PDGFC: variants seen among roughly 807,000 people sequenced by gnomAD.
PDGFC encodes the protein platelet derived growth factor C.
In PDGFC, 12 loss-of-function variants were observed where a neutral mutation model predicts 35.5. That is an observed-to-expected ratio of 0.34 (90% CI 0.22 to 0.55). PDGFC has a LOEUF of 0.55. Among genes scored for constraint, PDGFC ranks in the 20% least tolerant of loss-of-function variants. The pLI is 0.91. For missense variants in PDGFC, 322 were observed against 412.4 expected, an observed-to-expected ratio of 0.78 and a Z score of 1.90; for synonymous variants, 159 against 148.8, an observed-to-expected ratio of 1.07 and a Z score of -0.50.
chr4:156,856,001 A>C (rs1729571363), intron 1 of PDGFC, among the ~76,000 whole-genome samples: 1 of 152,274 alleles, frequency 6.6e-6, no homozygotes, highest in East Asian at 1.9e-4. Context: ...TGCAAACTAT[A>C]TAGAATTACT....
intron 1 of PDGFC, among the ~76,000 whole-genome samples, chr4:156,915,427 C>T (rs1463879492): frequency 6.6e-6 from 1 of 152,144 alleles, no homozygotes; most frequent in African/African-American, 2.4e-5. Flanking sequence ...GGGGGAAATG[C>T]AACTAGCATT....
At chr4:156,907,530 A>G (rs993448141) in intron 1 of PDGFC, among the ~76,000 whole-genome samples, 1 of 152,170 alleles carries the variant, frequency 6.6e-6, no homozygotes, top group Admixed American at 6.5e-5. Context: ...CTCAATGTCT[A>G]GAGACATTGA....
At chr4:156,910,792 C>CA (rs1319233950) in intron 1 of PDGFC, among the ~76,000 whole-genome samples, 1 of 152,086 alleles carries the variant, frequency 6.6e-6, no homozygotes, top group Non-Finnish European at 1.5e-5. Context: ...TACCTAACGG[C>CA]AGATGCTCAC....
chr4:156,951,741 A>C (rs545900464), intron 1 of PDGFC, among the ~76,000 whole-genome samples: 5 of 151,416 alleles, frequency 3.3e-5, no homozygotes, highest in South Asian at 4.1e-4. Context: ...GAAAAAAAAA[A>C]AAAAACAAAA....
intron 1 of PDGFC, among the ~76,000 whole-genome samples, chr4:156,860,486 C>T (rs927733738): frequency 3.3e-5 from 5 of 152,076 alleles, no homozygotes; most frequent in Non-Finnish European, 7.4e-5. Context: ...ATAAATCCAT[C>T]TATCCCTCTA....
At chr4:156,785,935 C>T (rs1258509393) in intron 3 of PDGFC, among the ~76,000 whole-genome samples, 1 of 152,060 alleles carries the variant, frequency 6.6e-6, no homozygotes, top group Non-Finnish European at 1.5e-5. Flanking sequence ...TTTACCCTGC[C>T]CCTCTATTCT....
At chr4:156,854,192 A>G (rs923314179) in intron 1 of PDGFC, among the ~76,000 whole-genome samples, 9 of 152,098 alleles carry the variant, frequency 5.9e-5, no homozygotes, top group Admixed American at 2.6e-4. Context: ...CATCAGATTT[A>G]TTAAAACCTA....
In PDGFC at chr4:156,861,890, C is replaced by T. The variant is rs559670301; in HGVS notation, c.119-11474G>A. On this transcript the variant is annotated intron_variant, in intron 1 of 5. Coordinates refer to ENST00000502773, the MANE Select transcript of PDGFC (RefSeq NM_016205.3). The stretch of plus-strand genomic sequence containing the variant: ...CATTATCTTTTAATGCTTTTAGTAA[C>T]CCTGCAAAGTAGCAATTATTATCCC... Among the ~76,000 whole-genome samples the T allele has an allele frequency of 9.2e-5, 14 of 152,108 alleles. No individual in the cohort carries two copies. In the South Asian group the frequency reaches 2.7e-3, roughly 29 times the overall value.
rs578045655 is a variant in PDGFC, at chr4:156,965,420, T to A, written c.118+5366A>T. Among the ~76,000 whole-genome samples the A allele has an allele frequency of 7.9e-5, 12 of 152,238 alleles. No homozygotes were observed. The South Asian group carries it at 1.9e-3, about 24-fold the overall frequency. Reference sequence around the variant, plus strand: ...TGAGGGATGTTGGTAGATAATAAATTAATTAATTAATAAACAAGAATATCA... The same window carrying A: ...TGAGGGATGTTGGTAGATAATAAATAAATTAATTAATAAACAAGAATATCA... On this transcript the variant is annotated intron_variant, in intron 1 of 5. Coordinates refer to ENST00000502773, the MANE Select transcript of PDGFC (RefSeq NM_016205.3).
intron 3 of PDGFC, 113 bp downstream of exon 3, chr4:156,810,724 C>T (rs1328658501): frequency 1.6e-5 from 11 of 674,672 alleles, no homozygotes; most frequent in South Asian, 1.4e-4. Flanking sequence ...AATGAAATCC[C>T]AGCTAGGTTT....
intron 5 of PDGFC, among the ~76,000 whole-genome samples, chr4:156,767,540 ACTGAC>A (rs1267462550): frequency 1.3e-5 from 2 of 151,952 alleles, no homozygotes; most frequent in African/African-American, 4.8e-5. Flanking sequence ...CAAAAACTTC[ACTGAC>A]CACTCATGTT....
chr4:156,860,551 A>T (rs908668244), intron 1 of PDGFC, among the ~76,000 whole-genome samples: 2 of 152,128 alleles, frequency 1.3e-5, no homozygotes, highest in East Asian at 1.9e-4. Context: ...CAAACACCTG[A>T]CACGGGGCGC....
chr4:156,941,681 G>C (rs549153333), intron 1 of PDGFC, among the ~76,000 whole-genome samples: 2 of 152,140 alleles, frequency 1.3e-5, no homozygotes, highest in Admixed American at 1.3e-4. Flanking sequence ...TTCAACTTTT[G>C]GGCCGGTTAA....
intron 3 of PDGFC, among the ~76,000 whole-genome samples, chr4:156,808,804 T>C (rs947450572): frequency 1.1e-4 from 16 of 152,008 alleles, no homozygotes; most frequent in Admixed American, 7.9e-4. Flanking sequence ...AGAATGAATG[T>C]GGCTGTAAGT....
intron 2 of PDGFC, chr4:156,836,145 A>C (rs1729057583): frequency 6.6e-6 from 1 of 152,220 alleles, no homozygotes; most frequent in South Asian, 2.1e-4. Flanking sequence ...TTTACCCCAC[A>C]GGAGCAGGAA....
chr4:156,774,784 T>C (rs1730783193), intron 3 of PDGFC, among the ~76,000 whole-genome samples: 1 of 152,034 alleles, frequency 6.6e-6, no homozygotes. Flanking sequence ...TACTCACATG[T>C]ACTTTCCAAG....
chr4:156,829,347 A>G lies in PDGFC; in HGVS notation c.315-18330T>C, dbSNP rs576824426. Among the ~76,000 whole-genome samples the G allele has an allele frequency of 5.9e-5, 9 of 152,330 alleles. No individual in the cohort carries two copies. The East Asian group carries it at 1.7e-3, about 29-fold the overall frequency. On this transcript the variant is annotated intron_variant, in intron 2 of 5. Coordinates refer to ENST00000502773, the MANE Select transcript of PDGFC (RefSeq NM_016205.3). ...AAGCAGCATTTCAGATTGTTAGGTGATTTCATCATTGTAATAAGTCCTGCT... is the reference window on the plus strand; with the variant it reads ...AAGCAGCATTTCAGATTGTTAGGTGGTTTCATCATTGTAATAAGTCCTGCT...
chr4:156,847,388 C>T (rs1339879678), intron 2 of PDGFC, among the ~76,000 whole-genome samples: 1 of 151,728 alleles, frequency 6.6e-6, no homozygotes, highest in African/African-American at 2.4e-5. Flanking sequence ...CATGACAAAA[C>T]ATGTGAACAA....
At chr4:156,901,850 GA>G (rs1730795079) in intron 1 of PDGFC, among the ~76,000 whole-genome samples, 2 of 152,088 alleles carry the variant, frequency 1.3e-5, no homozygotes, top group Non-Finnish European at 2.9e-5. Flanking sequence ...TGCCTCAAGT[GA>G]TCTGCCCGCC....
Sources: allele counts gnomAD v4.1 joint callset (sites outside exome capture counted in the v4.1 genomes callset), GRCh38; gene constraint gnomAD v4.1.1; transcripts MANE v1.5; gene names NCBI Gene and HGNC (gene_info 2026-07-23, HGNC 2026-07-21).